DCAKD: variants seen among roughly 807,000 people sequenced by gnomAD.
DCAKD encodes dephospho-CoA kinase domain containing.
A neutral mutation model predicts 18.7 loss-of-function variants in DCAKD; 15 were observed. The observed-to-expected ratio is 0.80, with a 90% CI of 0.54 to 1.24. DCAKD has a LOEUF of 1.24. Among genes scored for constraint, DCAKD ranks in the 50% most tolerant of loss-of-function variants. DCAKD has a pLI of 0.00. For missense variants in DCAKD, 301 were observed against 322.0 expected (o/e 0.93, Z 0.50); for synonymous variants, 130 against 133.0 (o/e 0.98, Z 0.16).
chr17:45,035,181 C>T (rs1280817763), intron 1 of DCAKD, 182 bp from the exon 2 acceptor site: 3 of 334,312 alleles, frequency 9.0e-6, no homozygotes, highest in South Asian at 2.9e-5. Flanking sequence ...TAAAAACACT[C>T]GCAAAGAAGG....
At chr17:45,045,725 C>CT (rs1413816748) in intron 1 of DCAKD, among the ~76,000 whole-genome samples, 1 of 140,130 alleles carries the variant, frequency 7.1e-6, no homozygotes, top group Non-Finnish European at 1.5e-5. Flanking sequence ...GAGCAAGACT[C>CT]TGTCTCAAAA....
rs538077074 is a variant in DCAKD at position 45,034,973 on chromosome 17, G to A, written c.-88C>T. The A allele has an allele frequency of 5.5e-5, 78 of 1,407,286 alleles. No homozygotes were observed. The highest frequency in any genetic ancestry group is 1.2e-4 in the East Asian group (5 of 41,440). The allele number at this position is 1,407,286 out of a possible 1,614,324, so 87.2% of individuals were successfully genotyped here. A position where few individuals can be genotyped will look rare whatever the true frequency, so the allele number is the denominator to read the frequency against. ...CAGGGCAAGTGTGGCCGATGGGGGC[G>A]GTCCACCAGAGGAGTGCCAGAAGGA... On this transcript the variant is annotated 5_prime_UTR_variant, in exon 2 of 5. Coordinates refer to ENST00000651974, the MANE Select transcript of DCAKD (RefSeq NM_001288655.2).
chr17:45,050,639 C>A, intron 1 of DCAKD, among the ~76,000 whole-genome samples: 1 of 152,106 alleles, frequency 6.6e-6, no homozygotes, highest in Middle Eastern at 3.2e-3. Flanking sequence ...CTGTGCCACA[C>A]CAACTCAATC....
chr17:45,052,271 G>A (rs2053724182), upstream of DCAKD, among the ~76,000 whole-genome samples: 1 of 152,148 alleles, frequency 6.6e-6, no homozygotes, highest in African/African-American at 2.4e-5. Context: ...CGGATATAAA[G>A]CTCGGCCACT....
Position 45,023,603 on chromosome 17 carries a change from TAAAAAAAAAAAA to T in DCAKD, c.*818_*829del, listed in dbSNP as rs67338318. On this transcript the variant is annotated 3_prime_UTR_variant, in exon 5 of 5. Coordinates refer to ENST00000651974, the MANE Select transcript of DCAKD (RefSeq NM_001288655.2). ...CCTGAACTGAGAGCTAGTTGTAGGT[TAAAAAAAAAAAA>T]AAAAAAAAAAAGGAAGAAGAAATAA... 1 of 81,684 alleles carries T rather than the reference TAAAAAAAAAAAA, an allele frequency of 1.2e-5. No individual in the cohort carries two copies. Among genetic ancestry groups the T allele is most frequent in the African/African-American group, 4.7e-5 (1 of 21,210 alleles). The allele number at this position is 81,684 out of a possible 1,614,324, so 5.1% of individuals were successfully genotyped here.
At chr17:45,061,128 C>T (rs2143434009), upstream of DCAKD, 2 of 1,354,914 alleles carry the variant, frequency 1.5e-6, no homozygotes, top group Non-Finnish European at 1.9e-6. Flanking sequence ...TTCCGGGTAT[C>T]AGTGGCCCCG....
chr17:45,041,456 G>A (rs534850001), intron 1 of DCAKD, among the ~76,000 whole-genome samples: 8 of 152,142 alleles, frequency 5.3e-5, no homozygotes, highest in East Asian at 3.9e-4. Context: ...GGCTACAGGC[G>A]CCTGCCATCA....
chr17:45,060,896 C>A, exon 1 of DCAKD: 1 of 446,816 alleles, frequency 2.2e-6, no homozygotes, highest in Non-Finnish European at 3.0e-6. Flanking sequence ...ACCCGGGAAA[C>A]GTAACGGTCC....
chr17:45,044,614 C>T lies in DCAKD; in HGVS notation c.-115+6747G>A, dbSNP rs137896939. Reference sequence around the variant, plus strand: ...GGCTGAGGCAGGACAATCACTTGAACCTAGAAGGCAGAGGTTGCAGTGAGC... The same window carrying T: ...GGCTGAGGCAGGACAATCACTTGAATCTAGAAGGCAGAGGTTGCAGTGAGC... On this transcript the variant is annotated intron_variant, in intron 1 of 4. Coordinates refer to ENST00000651974, the MANE Select transcript of DCAKD (RefSeq NM_001288655.2). 6.9e-3 allele frequency among the ~76,000 whole-genome samples: 1,048 copies of T among 152,152 alleles called. 16 individuals are homozygous for T. Among genetic ancestry groups the T allele is most frequent in the African/African-American group, 0.024 (985 of 41,478 alleles).
chr17:45,026,935 C>T (rs1360211985), intron 4 of DCAKD: 3 of 450,484 alleles, frequency 6.7e-6, no homozygotes, highest in Admixed American at 6.4e-5. Context: ...GCAGCACCTC[C>T]GACAGCCCTT....
At position 45,034,316 on chromosome 17, in the gene DCAKD, C is replaced by A; in HGVS notation, c.187G>T (p.Asp63Tyr). ...FGTEVLLENGDINRKVLGDLI... is the reference protein window; with the variant it reads ...FGTEVLLENGYINRKVLGDLI... ...TCCCCCAGGACCTTGCGATTTATGT[C>A]GCCGTTCTCCAGCAAGACCTCAGTG... is the stretch of plus-strand genomic sequence containing the variant. Residue 63 changes from aspartate (D) to tyrosine (Y), a missense_variant, in exon 3 of 5, where the codon GAC becomes TAC. By Grantham distance (160) the Asp-to-Tyr change is radical (BLOSUM62 -3). Transcript: ENST00000651974. The A allele has an allele frequency of 3.7e-6, 6 of 1,614,124 alleles. No homozygotes were observed. The highest frequency in any genetic ancestry group is 5.1e-6 in the Non-Finnish European group (6 of 1,180,038).
At chr17:45,039,831 T>G (rs995424246) in intron 1 of DCAKD, among the ~76,000 whole-genome samples, 5 of 152,214 alleles carry the variant, frequency 3.3e-5, no homozygotes, top group South Asian at 2.1e-4. Flanking sequence ...AATGCTCCCC[T>G]GGGGCCAGGC....
chr17:45,059,711 G>A (rs191101114), intron 1 of DCAKD, among the ~76,000 whole-genome samples: 3 of 152,234 alleles, frequency 2.0e-5, no homozygotes, highest in Admixed American at 1.3e-4. Context: ...CAGAGGGCCT[G>A]GGGCACACAG....
At chr17:45,053,253 T>G (rs112702118), upstream of DCAKD, among the ~76,000 whole-genome samples, 4 of 85,554 alleles carry the variant, frequency 4.7e-5, no homozygotes, top group Non-Finnish European at 1.0e-4. Context: ...TTTTTTTTTG[T>G]TTGGTTTGTT....
At chr17:45,050,372 G>A (rs539951304) in intron 1 of DCAKD, among the ~76,000 whole-genome samples, 2 of 152,112 alleles carry the variant, frequency 1.3e-5, no homozygotes, top group Admixed American at 1.3e-4. Flanking sequence ...ACAAAGCTAA[G>A]TTCGTGGCTT....
intron 1 of DCAKD, among the ~76,000 whole-genome samples, chr17:45,046,615 CAA>C (rs746591313): frequency 3.0e-4 from 15 of 50,154 alleles, no homozygotes; most frequent in Non-Finnish European, 3.7e-4. Flanking sequence ...GATTCCATCT[CAA>C]AAAAAAAAAA....
At chr17:45,061,048 C>G (rs1597996435) in exon 1 of DCAKD, 1 of 1,203,548 alleles carries the variant, frequency 8.3e-7, no homozygotes, top group Non-Finnish European at 1.0e-6. Context: ...GGCGGCCGCC[C>G]GGTTCCCAAG....
At chr17:45,029,406 G>C (rs2053128071) in intron 4 of DCAKD, among the ~76,000 whole-genome samples, 1 of 152,228 alleles carries the variant, frequency 6.6e-6, no homozygotes, top group Non-Finnish European at 1.5e-5. Flanking sequence ...CCACCTATGT[G>C]TCTGCTGTAC....
chr17:45,033,097 G>A (rs572443642), intron 3 of DCAKD, among the ~76,000 whole-genome samples: 2 of 152,290 alleles, frequency 1.3e-5, no homozygotes, highest in East Asian at 1.9e-4. Flanking sequence ...TGTAATCCCA[G>A]CACTTTGGGA....
Sources: allele counts gnomAD v4.1 joint callset (sites outside exome capture counted in the v4.1 genomes callset), GRCh38; gene constraint gnomAD v4.1.1; transcripts MANE v1.5; gene names NCBI Gene and HGNC (gene_info 2026-07-23, HGNC 2026-07-21).